Variants in ZBP1 observed in about 807,000 individuals in gnomAD.
The protein encoded by ZBP1 is Z-DNA-binding protein 1.
ZBP1 carries 42 observed loss-of-function variants against 41.1 expected under a neutral mutation model. That is an observed-to-expected ratio of 1.02 (90% CI 0.80 to 1.32). The LOEUF (loss-of-function observed/expected upper bound fraction) is 1.32. Among genes scored for constraint, ZBP1 ranks in the 40% most tolerant of loss-of-function variants. The pLI, the probability that ZBP1 is intolerant of heterozygous loss-of-function variation, is 0.00. For missense variants in ZBP1, 562 were observed against 549.7 expected (o/e 1.02, Z -0.22); for synonymous variants, 214 against 205.2 (o/e 1.04, Z -0.37).
Position 57,613,418 on chromosome 20 carries a change from G to T in ZBP1, c.503-88C>A. 1 of 1,439,282 alleles carries T rather than the reference G, an allele frequency of 6.9e-7. No homozygotes were observed. The highest frequency in any genetic ancestry group is 1.3e-5 in the South Asian group (1 of 79,140). The allele number at this position is 1,439,282 out of a possible 1,614,324, so 89.2% of individuals were successfully genotyped here. A position where few individuals can be genotyped will look rare whatever the true frequency, so the allele number is the denominator to read the frequency against. On this transcript the variant is annotated intron_variant, in intron 4 of 7. Transcript: ENST00000371173. This position sits in a 1 kb window ranked among gnomAD's most constrained non-coding sequence, Gnocchi z 4.5. The stretch of plus-strand genomic sequence containing the variant: ...CAGTCGGCAGCACCAAATTCTCCTG[G>T]GGAGCTTGTTAAAATACCCTGGGCG...
Position 57,610,381 on chromosome 20 carries a change from G to A in ZBP1, c.875-14C>T, listed in dbSNP as rs776113143. On this transcript the variant is annotated splice_polypyrimidine_tract_variant and intron_variant, in intron 6 of 7. Transcript: ENST00000371173. This position sits in a 1 kb window ranked among gnomAD's most constrained non-coding sequence, Gnocchi z 5.5. ...CAGTGGCAGAGACTGTGGGTCAAAGGGAGAGAGGCCTGGAGCCAGGAGCAG... is the reference window on the plus strand; with the variant it reads ...CAGTGGCAGAGACTGTGGGTCAAAGAGAGAGAGGCCTGGAGCCAGGAGCAG... The A allele has an allele frequency of 9.3e-6, 15 of 1,613,800 alleles. No individual in the cohort carries two copies. In the East Asian group the frequency reaches 3.3e-4, roughly 36 times the overall value.
At chr20:57,611,494 T>A (rs2070670454) in intron 6 of ZBP1, among the ~76,000 whole-genome samples, 1 of 142,240 alleles carries the variant, frequency 7.0e-6, no homozygotes, top group African/African-American at 2.6e-5. Context: ...TGACCTCAGG[T>A]GATCCACCCG....
At chr20:57,605,019 T>C (rs2070460102) in intron 7 of ZBP1, among the ~76,000 whole-genome samples, 1 of 152,054 alleles carries the variant, frequency 6.6e-6, no homozygotes, top group Non-Finnish European at 1.5e-5. Flanking sequence ...AAAGCCCCCA[T>C]CCCAGGGCTC....
At chr20:57,612,881 A>G in intron 5 of ZBP1, 1 of 1,319,078 alleles carries the variant, frequency 7.6e-7, no homozygotes, top group Non-Finnish European at 9.7e-7. Context: ...CAACACAGAG[A>G]TACCCCATCT....
At position 57,620,246 on chromosome 20, in the gene ZBP1, G is replaced by T; in HGVS notation, c.34+16C>A. 1.3e-6 allele frequency: 2 copies of T among 1,583,990 alleles called. No homozygotes were observed. Among genetic ancestry groups the T allele is most frequent in the Non-Finnish European group, 8.6e-7 (1 of 1,164,248 alleles). ...CGGGAGCTACCGCTGGTCCTTGGAAGGAAGAAGTACTGTACCTTCTCTGCC... is the reference window on the plus strand; with the variant it reads ...CGGGAGCTACCGCTGGTCCTTGGAATGAAGAAGTACTGTACCTTCTCTGCC... On this transcript the variant is annotated intron_variant, in intron 1 of 7. Transcript: ENST00000371173.
In ZBP1 at chr20:57,612,861, A is replaced by C. The variant is rs183678110; in HGVS notation, c.670+302T>G. 2.1e-4 allele frequency: 256 copies of C among 1,233,494 alleles called. 2 individuals carry two copies. In the East Asian group the frequency reaches 7.5e-3, roughly 36 times the overall value. The allele number at this position is 1,233,494 out of a possible 1,614,324, so 76.4% of individuals were successfully genotyped here. On this transcript the variant is annotated intron_variant, in intron 5 of 7. Transcript: ENST00000371173. Reference sequence around the variant, plus strand: ...CGGACCCCATTGAAAATGAGGCATAAGGTCAGGCGCAACACAGAGATACCC... The same window carrying C: ...CGGACCCCATTGAAAATGAGGCATACGGTCAGGCGCAACACAGAGATACCC...
intron 5 of ZBP1, among the ~76,000 whole-genome samples, chr20:57,612,595 G>A (rs1488535068): frequency 1.3e-5 from 2 of 152,194 alleles, no homozygotes; most frequent in Non-Finnish European, 2.9e-5. Flanking sequence ...TGACAAGGCT[G>A]GGCTGACAGG....
At chr20:57,611,370 G>A (rs1009033384) in intron 6 of ZBP1, among the ~76,000 whole-genome samples, 2 of 149,138 alleles carry the variant, frequency 1.3e-5, no homozygotes, top group African/African-American at 5.0e-5. Flanking sequence ...TCAGCCTTCC[G>A]AGTGGCTAGG....
Position 57,604,467 on chromosome 20 carries a change from G to T in ZBP1, c.*106C>A. On this transcript the variant is annotated 3_prime_UTR_variant, in exon 8 of 8. Transcript: ENST00000371173. Reference sequence around the variant, plus strand: ...TGATTCATGCAGGTTATGTCTGGAAGCAAGCAGGTCAAACAAGACGCTAAG... The same window carrying T: ...TGATTCATGCAGGTTATGTCTGGAATCAAGCAGGTCAAACAAGACGCTAAG... 7.1e-7 allele frequency: 1 copy of T among 1,399,938 alleles called. No individual in the cohort carries two copies. Among genetic ancestry groups the T allele is most frequent in the Non-Finnish European group, 1.0e-6 (1 of 991,030 alleles). The allele number at this position is 1,399,938 out of a possible 1,614,324, so 86.7% of individuals were successfully genotyped here.
intron 5 of ZBP1, 136 bp from the exon 6 acceptor site, chr20:57,612,066 G>C (rs1366349550): frequency 1.0e-6 from 1 of 964,980 alleles, no homozygotes; most frequent in Non-Finnish European, 1.5e-6. Context: ...TCAGGCTCTG[G>C]CTTAGAGAGC....
rs2070796474 is a variant in ZBP1, at chr20:57,615,495, G to A, written c.328+17C>T. The A allele has an allele frequency of 6.2e-7, 1 of 1,612,928 alleles. No individual in the cohort carries two copies. The highest frequency in any genetic ancestry group is 8.5e-7 in the Non-Finnish European group (1 of 1,179,430). ...GATCCTGTGTCCCGGGAACTGAAGG[G>A]ACATGCAAAAACTTACCCCGTTGTT... On this transcript the variant is annotated intron_variant, in intron 3 of 7. Transcript: ENST00000371173.
At position 57,610,254 on chromosome 20, in the gene ZBP1, C is replaced by T. The variant is rs372048640; in HGVS notation, c.988G>A (p.Glu330Lys). The T allele has an allele frequency of 3.8e-5, 61 of 1,614,178 alleles. 1 individual carries two copies. Among genetic ancestry groups the T allele is most frequent in the East Asian group, 3.6e-4 (16 of 44,890 alleles). The change falls in exon 7 of 8, where the codon GAG (glutamate) becomes AAG (lysine). Residue 330 changes from glutamate to lysine, a missense_variant. Coordinates refer to ENST00000371173, the MANE Select transcript of ZBP1 (RefSeq NM_030776.3). The surrounding 1 kb of genome is among the most constrained non-coding windows in gnomAD (Gnocchi z 5.5). ...TTGCTGTTGCCGATGGTGGCGTCCT[C>T]GAGAAAGCACGATTTCATGTGGATT... ...QRIHMKSCFLEDATIGNSNKM... is the reference protein window; with the variant it reads ...QRIHMKSCFLKDATIGNSNKM...
chr20:57,608,538 C>G (rs562093309), intron 7 of ZBP1, among the ~76,000 whole-genome samples: 1 of 152,230 alleles, frequency 6.6e-6, no homozygotes, highest in South Asian at 2.1e-4. Context: ...GGTCCTAAGC[C>G]GGATCCCCAT....
chr20:57,610,123 G>C lies in ZBP1; in HGVS notation c.1093+26C>G. ...GGTGGGGAGAGAGAGAGAACACACA[G>C]GGGTCCACTCTGCCCCCTAGCTCAC... On this transcript the variant is annotated intron_variant, in intron 7 of 7. Coordinates refer to ENST00000371173, the MANE Select transcript of ZBP1 (RefSeq NM_030776.3). The surrounding 1 kb of genome is among the most constrained non-coding windows in gnomAD (Gnocchi z 5.5). 6.3e-7 allele frequency: 1 copy of C among 1,592,564 alleles called. No individual in the cohort carries two copies. The highest frequency in any genetic ancestry group is 8.6e-7 in the Non-Finnish European group (1 of 1,161,968).
At position 57,613,162 on chromosome 20, in the gene ZBP1, C is replaced by G; in HGVS notation, c.670+1G>C. The stretch of plus-strand genomic sequence containing the variant: ...TCCCTGGGCTCTCTTGGGTGACTTA[C>G]CGTCCTCCCTGGAGACTGTCTGTCT... On this transcript the variant is annotated splice_donor_variant, in intron 5 of 7. Transcript: ENST00000371173. LOFTEE classifies it high-confidence loss of function. The surrounding 1 kb of genome is among the most constrained non-coding windows in gnomAD (Gnocchi z 4.5). The G allele has an allele frequency of 6.2e-7, 1 of 1,613,552 alleles. No homozygotes were observed. Among genetic ancestry groups the G allele is most frequent in the Non-Finnish European group, 8.5e-7 (1 of 1,179,702 alleles).
rs186925447 is a variant in ZBP1 at position 57,610,249 on chromosome 20, G to A, written c.993C>T (p.Asp331=). ...TTTTGTTGCTGTTGCCGATGGTGGC[G>A]TCCTCGAGAAAGCACGATTTCATGT... is the stretch of plus-strand genomic sequence containing the variant. ...RIHMKSCFLE[D]ATIGNSNKMS... Residue 331 remains aspartate, a synonymous_variant, in exon 7 of 8, where the codon GAC becomes GAT. Transcript: ENST00000371173. The surrounding 1 kb of genome is among the most constrained non-coding windows in gnomAD (Gnocchi z 5.5). 4.5e-5 allele frequency: 72 copies of A among 1,614,184 alleles called. No homozygotes were observed. Among genetic ancestry groups the A allele is most frequent in the East Asian group, 3.6e-4 (16 of 44,886 alleles).
rs751811726 is a variant in ZBP1, at chr20:57,610,157, T to C, written c.1085A>G (p.Glu362Gly). Residue 362 changes from glutamate (E) to glycine (G), a missense_variant, in exon 7 of 8, where the codon GAG becomes GGG. Transcript: ENST00000371173. The surrounding 1 kb of genome is among the most constrained non-coding windows in gnomAD (Gnocchi z 5.5). ...TCTGCCCCCTAGCTCACCTGCGTCCTCCCCTGGCTCCCCCTCTCCAGACCC... is the reference window on the plus strand; with the variant it reads ...TCTGCCCCCTAGCTCACCTGCGTCCCCCCCTGGCTCCCCCTCTCCAGACCC... Reference protein sequence around the residue: ...VAGSGEGEPGEDAGRRPADTQ... With the variant: ...VAGSGEGEPGGDAGRRPADTQ... 7 of 1,613,618 alleles carry C rather than the reference T, an allele frequency of 4.3e-6. No homozygotes were observed. Among genetic ancestry groups the C allele is most frequent in the Non-Finnish European group, 5.9e-6 (7 of 1,179,908 alleles).
At chr20:57,611,587 T>C in intron 6 of ZBP1, 140 bp downstream of exon 6, 1 of 974,060 alleles carries the variant, frequency 1.0e-6, no homozygotes, top group Non-Finnish European at 1.5e-6. Flanking sequence ...CCCCACCTGC[T>C]CTACTCTGGT....
chr20:57,606,786 T>C (rs1435345017), intron 7 of ZBP1, among the ~76,000 whole-genome samples: 1 of 152,256 alleles, frequency 6.6e-6, no homozygotes, highest in African/African-American at 2.4e-5. Context: ...GTTTACTGAA[T>C]ATTTTAAGCC....
Sources: allele counts gnomAD v4.1 joint callset (sites outside exome capture counted in the v4.1 genomes callset), GRCh38; gene constraint gnomAD v4.1.1; non-coding constraint Gnocchi (gnomAD v3.1); transcripts MANE v1.5; gene names NCBI Gene and HGNC (gene_info 2026-07-23, HGNC 2026-07-21).